Variants in PLEKHA6 observed in about 807,000 individuals in gnomAD.
PLEKHA6 encodes the protein pleckstrin homology domain-containing family A member 6.
Under a neutral mutation model 116.7 loss-of-function variants are expected in PLEKHA6, and 60 were observed. The ratio of observed to expected loss-of-function variants is 0.51; its 90% confidence interval spans 0.42 to 0.64. The LOEUF (loss-of-function observed/expected upper bound fraction) is 0.64, where lower values mean the gene tolerates loss of function less well. Among genes scored for constraint, PLEKHA6 ranks in the 30% least tolerant of loss-of-function variants. PLEKHA6 has a pLI of 0.00. For synonymous variants in PLEKHA6, 489 were observed against 556.1 expected, an observed-to-expected ratio of 0.88 and a Z score of 1.70; for missense variants, 1,338 against 1,422.7, an observed-to-expected ratio of 0.94 and a Z score of 0.96.
chr1:204,346,582 G>A (rs931143815), intron 1 of PLEKHA6, among the ~76,000 whole-genome samples: 2 of 152,124 alleles, frequency 1.3e-5, no homozygotes, highest in African/African-American at 4.8e-5. Flanking sequence ...GCAAGAAGAT[G>A]GCTCGGCAGG....
chr1:204,328,036 CTTTTATTTA>C (rs1387895074), intron 1 of PLEKHA6, among the ~76,000 whole-genome samples: 1 of 145,262 alleles, frequency 6.9e-6, no homozygotes, highest in African/African-American at 2.6e-5. Context: ...AAAGAAGCTG[CTTTTATTTA>C]TTTTATTTAT....
intron 1 of PLEKHA6, among the ~76,000 whole-genome samples, chr1:204,334,319 C>A (rs1019087612): frequency 4.6e-5 from 7 of 152,206 alleles, no homozygotes; most frequent in African/African-American, 1.7e-4. Flanking sequence ...AACCTCAAAT[C>A]TTTGTCCTAA....
rs1367251273 is a variant in PLEKHA6, at chr1:204,219,597, C to T, written c.*3191G>A. 2.0e-5 allele frequency: 3 copies of T among 152,082 alleles called. No individual in the cohort carries two copies. Among genetic ancestry groups the T allele is most frequent in the Admixed American group, 6.5e-5 (1 of 15,272 alleles). The allele number at this position is 152,082 out of a possible 1,614,324, so 9.4% of individuals were successfully genotyped here. A position where few individuals can be genotyped will look rare whatever the true frequency, so the allele number is the denominator to read the frequency against. On this transcript the variant is annotated 3_prime_UTR_variant, in exon 23 of 23. Coordinates refer to ENST00000272203, the MANE Select transcript of PLEKHA6 (RefSeq NM_014935.5). ...TTCAGAGCAGGATGTTCTAGGCTGG[C>T]GACAGGGTGTCAGTAAATGCCCCAG... is the stretch of plus-strand genomic sequence containing the variant.
At chr1:204,287,809 A>C (rs1669352271) in intron 1 of PLEKHA6, among the ~76,000 whole-genome samples, 1 of 152,220 alleles carries the variant, frequency 6.6e-6, no homozygotes, top group African/African-American at 2.4e-5. Context: ...GAAGACTAGC[A>C]GCTCCAGCTT....
At chr1:204,361,902 C>T (rs950206625), upstream of PLEKHA6, among the ~76,000 whole-genome samples, 5 of 152,216 alleles carry the variant, frequency 3.3e-5, no homozygotes. Flanking sequence ...GAGACCCCAG[C>T]CCAAGCCCCC....
At chr1:204,275,263 CCTT>C (rs1667884082) in intron 1 of PLEKHA6, among the ~76,000 whole-genome samples, 1 of 152,192 alleles carries the variant, frequency 6.6e-6, no homozygotes, top group South Asian at 2.1e-4. Flanking sequence ...GACTCCTCCT[CCTT>C]CTCCTGCTTT....
chr1:204,244,746 C>T (rs919984793), intron 15 of PLEKHA6, 118 bp downstream of exon 15: 5 of 722,018 alleles, frequency 6.9e-6, no homozygotes, highest in Non-Finnish European at 8.5e-6. Flanking sequence ...CAAAGAGCTC[C>T]AGCACTAGGG....
chr1:204,283,359 A>C (rs1389415011), intron 1 of PLEKHA6, among the ~76,000 whole-genome samples: 1 of 152,212 alleles, frequency 6.6e-6, no homozygotes, highest in East Asian at 1.9e-4. Flanking sequence ...TAACAGTAAA[A>C]CAATGGTATT....
At chr1:204,324,429 C>G (rs1157310917) in intron 1 of PLEKHA6, among the ~76,000 whole-genome samples, 2 of 152,112 alleles carry the variant, frequency 1.3e-5, no homozygotes, top group African/African-American at 2.4e-5. Flanking sequence ...ATACGAAGGG[C>G]AGGGCTGGGC....
intron 1 of PLEKHA6, among the ~76,000 whole-genome samples, chr1:204,340,004 C>T (rs1672787547): frequency 6.6e-6 from 1 of 152,196 alleles, no homozygotes; most frequent in Admixed American, 6.5e-5. Context: ...TATCCTTTAA[C>T]ATTTGCTTAC....
chr1:204,295,095 G>A (rs749838305), intron 1 of PLEKHA6, among the ~76,000 whole-genome samples: 20 of 152,238 alleles, frequency 1.3e-4, no homozygotes, highest in Non-Finnish European at 2.6e-4. Flanking sequence ...TCTGTTCCTA[G>A]TGTAATTTGA....
intron 12 of PLEKHA6, 59 bp downstream of exon 12, chr1:204,248,762 G>A (rs764594490): frequency 2.3e-4 from 346 of 1,518,974 alleles, no homozygotes; most frequent in Non-Finnish European, 3.0e-4. Context: ...CTGGGAGGTG[G>A]TGGCCCTGCT....
intron 1 of PLEKHA6, among the ~76,000 whole-genome samples, chr1:204,309,363 C>T (rs1405497647): frequency 2.0e-5 from 3 of 152,302 alleles, no homozygotes; most frequent in East Asian, 1.9e-4. Context: ...TACAATCACA[C>T]GCCGCATAAG....
rs1665803973 is a variant in PLEKHA6 at position 204,259,383 on chromosome 1, T to C, written c.882A>G (p.Gly294=). 1 of 1,614,084 alleles carries C rather than the reference T, an allele frequency of 6.2e-7. No homozygotes were observed. ...AFPSQDGETG[G]HRRSFPPRTN... is the part of the protein sequence containing the mutation. ...TGCGTGGTGGGAAACTCCGCCGGTGTCCCCCAGTCTCTCCATCCTGAGACG... is the reference window on the plus strand; with the variant it reads ...TGCGTGGTGGGAAACTCCGCCGGTGCCCCCCAGTCTCTCCATCCTGAGACG... Residue 294 remains glycine, a synonymous_variant, in exon 8 of 23, where the codon GGA becomes GGG. Transcript: ENST00000272203. This position sits in a 1 kb window ranked among gnomAD's most constrained non-coding sequence, Gnocchi z 4.6.
chr1:204,360,303 G>A (rs1395001662), upstream of PLEKHA6, among the ~76,000 whole-genome samples: 1 of 149,318 alleles, frequency 6.7e-6, no homozygotes, highest in Non-Finnish European at 1.5e-5. Context: ...TTTCACCTCT[G>A]TGGCTGTCTA....
At chr1:204,348,780 C>T (rs1673169406) in intron 1 of PLEKHA6, among the ~76,000 whole-genome samples, 2 of 150,794 alleles carry the variant, frequency 1.3e-5, no homozygotes, top group African/African-American at 4.9e-5. Flanking sequence ...ACTTGGCAGA[C>T]ATCCTGCTGA....
chr1:204,341,139 A>G (rs534102078), intron 1 of PLEKHA6, among the ~76,000 whole-genome samples: 65 of 152,340 alleles, frequency 4.3e-4, no homozygotes, highest in African/African-American at 1.5e-3. Flanking sequence ...AAGAAGCCCC[A>G]GAAGATGTGT....
chr1:204,229,063 G>T lies in PLEKHA6; in HGVS notation c.2625C>A (p.Asn875Lys). 6.2e-7 allele frequency: 1 copy of T among 1,613,946 alleles called. No homozygotes were observed. Reference sequence around the variant, plus strand: ...CCTCTGCCCGCAGGGCTGCCTCCAGGTTGGAGATGTCTACCTCATGGATGC... The same window carrying T: ...CCTCTGCCCGCAGGGCTGCCTCCAGTTTGGAGATGTCTACCTCATGGATGC... ...HRSIHEVDIS[N>K]LEAALRAEEP... Residue 875 changes from asparagine to lysine, a missense_variant, in exon 19 of 23, where the codon AAC (asparagine) becomes AAA (lysine). This residue lies in a region of PLEKHA6 where 1,136 missense variants were observed against 1,163.6 expected (regional missense o/e 0.98). Coordinates refer to ENST00000272203, the MANE Select transcript of PLEKHA6 (RefSeq NM_014935.5).
In PLEKHA6 at chr1:204,373,257, T is replaced by C. The variant is rs559439853; in HGVS notation, c.84-1651A>G. Reference sequence around the variant, plus strand: ...GCATGCAACACCACGCCTGGCTAATTTTTCGTGTATTTTCAGTAGAGACGG... The same window carrying C: ...GCATGCAACACCACGCCTGGCTAATCTTTCGTGTATTTTCAGTAGAGACGG... On this transcript the variant is annotated intron_variant, in intron 1 of 4. Coordinates refer to the PLEKHA6 transcript ENST00000564627. Among the ~76,000 whole-genome samples, 11 of 152,058 alleles carry C rather than the reference T, an allele frequency of 7.2e-5. No individual in the cohort carries two copies. In the South Asian group the frequency reaches 2.3e-3, roughly 32 times the overall value.
Sources: gnomAD v4.1 joint callset for allele counts (sites outside exome capture counted in the v4.1 genomes callset) on GRCh38, gnomAD v4.1.1 for gene constraint, gnomAD v4.1.1 regional missense constraint, Gnocchi (gnomAD v3.1) non-coding constraint, MANE v1.5 for transcripts, NCBI Gene and HGNC (gene_info 2026-07-23, HGNC 2026-07-21) for gene names.